Variants in CUL2 observed in about 807,000 individuals in gnomAD.
The protein encoded by CUL2 is cullin-2.
CUL2 carries 22 observed loss-of-function variants against 110.2 expected under a neutral mutation model. The ratio of observed to expected loss-of-function variants is 0.20; its 90% CI spans 0.14 to 0.28. CUL2 has a LOEUF of 0.28. Among genes scored for constraint, CUL2 ranks in the 10% least tolerant of loss-of-function variants. CUL2 has a pLI of 1.00. For synonymous variants in CUL2, 279 were observed against 293.2 expected (o/e 0.95, Z 0.49); for missense variants, 631 against 905.5 (o/e 0.70, Z 3.89).
chr10:35,071,389 G>A (rs758509610), intron 1 of CUL2, 50 bp from the exon 2 acceptor site: 4 of 1,505,230 alleles, frequency 2.7e-6, no homozygotes, highest in Non-Finnish European at 3.7e-6. Context: ...CATGAGCTTA[G>A]TTTTTTTGTT....
intron 17 of CUL2, 43 bp downstream of exon 17, chr10:35,025,089 C>T (rs961279828): frequency 1.4e-6 from 2 of 1,437,392 alleles, no homozygotes; most frequent in African/African-American, 2.9e-5. Context: ...ATATAATCAT[C>T]AGGTAAATTT....
At chr10:35,047,404 A>AT (rs1237722669) in intron 6 of CUL2, among the ~76,000 whole-genome samples, 1 of 151,280 alleles carries the variant, frequency 6.6e-6, no homozygotes, top group African/African-American at 2.4e-5. Context: ...AGGTCAGGAG[A>AT]TAGAGACCAT....
Position 35,071,195 on chromosome 10 carries a change from A to AT in CUL2, c.119+3dup, listed in dbSNP as rs1317561363. On this transcript the variant is annotated splice_donor_region_variant and intron_variant, in intron 2 of 20. Transcript: ENST00000374749. ...CATTGATCAAGCTGCCATTAAAAGG[A>AT]TACGAGAAACGGTCATTCCATGTTG... The AT allele has an allele frequency of 6.2e-7, 1 of 1,612,502 alleles. No homozygotes were observed.
chr10:35,077,180 A>G (rs2086840319), intron 1 of CUL2, among the ~76,000 whole-genome samples: 1 of 152,178 alleles, frequency 6.6e-6, no homozygotes, highest in Non-Finnish European at 1.5e-5. Flanking sequence ...GAAATGAAGT[A>G]CTGATACACA....
chr10:35,056,407 C>T (rs1378408803), intron 4 of CUL2, among the ~76,000 whole-genome samples: 1 of 152,164 alleles, frequency 6.6e-6, no homozygotes, highest in Non-Finnish European at 1.5e-5. Flanking sequence ...TTTTATGTGG[C>T]TGAATACTAT....
At chr10:35,034,745 T>A (rs1175385148) in intron 10 of CUL2, among the ~76,000 whole-genome samples, 1 of 152,188 alleles carries the variant, frequency 6.6e-6, no homozygotes, top group Non-Finnish European at 1.5e-5. Flanking sequence ...TACAGAAGAT[T>A]ATTTTAATCT....
At chr10:35,069,110 G>A (rs1401704348) in intron 2 of CUL2, among the ~76,000 whole-genome samples, 6 of 152,124 alleles carry the variant, frequency 3.9e-5, no homozygotes, top group African/African-American at 1.4e-4. Context: ...CTCATAATCC[G>A]CCTGCCTCAG....
chr10:35,089,741 C>A (rs993130148), intron 1 of CUL2, among the ~76,000 whole-genome samples: 3 of 152,192 alleles, frequency 2.0e-5, no homozygotes, highest in Admixed American at 2.0e-4. Flanking sequence ...ATACTCCTCC[C>A]CAAAGCTATC....
Position 35,067,834 on chromosome 10 carries a change from G to A in CUL2, c.119+3365C>T, listed in dbSNP as rs900095795. ...TTTAAGAACCACAAAAGGGCCGGAC[G>A]TGGTGGCTCATACCTGTAATCCCAG... On this transcript the variant is annotated intron_variant, in intron 2 of 20. Transcript: ENST00000374749. 2.8e-4 allele frequency among the ~76,000 whole-genome samples: 42 copies of A among 151,966 alleles called. 1 individual carries two copies. The highest frequency in any genetic ancestry group is 1.1e-3 in the Admixed American group (16 of 15,236).
chr10:35,087,039 A>G (rs1307199730), intron 1 of CUL2, among the ~76,000 whole-genome samples: 1 of 152,126 alleles, frequency 6.6e-6, no homozygotes, highest in Non-Finnish European at 1.5e-5. Flanking sequence ...TTTTCATTCT[A>G]TTCCCTACTG....
chr10:35,086,009 T>C (rs879745752), intron 1 of CUL2, among the ~76,000 whole-genome samples: 1 of 151,420 alleles, frequency 6.6e-6, no homozygotes, highest in Non-Finnish European at 1.5e-5. Context: ...AAAATGAAAG[T>C]TGAAAAAGAT....
intron 9 of CUL2, among the ~76,000 whole-genome samples, 182 bp downstream of exon 9, chr10:35,038,738 G>T (rs938113722): frequency 7.3e-5 from 11 of 151,486 alleles, no homozygotes; most frequent in African/African-American, 2.7e-4. Context: ...TCTGATTTTA[G>T]AACACTCTGA....
At chr10:35,079,256 C>A (rs922392353) in intron 1 of CUL2, among the ~76,000 whole-genome samples, 10 of 152,202 alleles carry the variant, frequency 6.6e-5, no homozygotes, top group Admixed American at 5.2e-4. Flanking sequence ...ACTCGCCCTT[C>A]TTGTGAAGGT....
At position 35,067,277 on chromosome 10, in the gene CUL2, C is replaced by G. The variant is rs144479573; in HGVS notation, c.119+3922G>C. Among the ~76,000 whole-genome samples, 248 of 152,172 alleles carry G rather than the reference C, an allele frequency of 1.6e-3. 1 individual carries two copies. Among genetic ancestry groups the G allele is most frequent in the Non-Finnish European group, 2.9e-3 (197 of 68,020 alleles). On this transcript the variant is annotated intron_variant, in intron 2 of 20. Coordinates refer to ENST00000374749, the MANE Select transcript of CUL2 (RefSeq NM_003591.4). The stretch of plus-strand genomic sequence containing the variant: ...AGTCTCCCCTAACAATCATTTTGGA[C>G]TTACTATAACCTTTAGATGCCACTT...
chr10:35,045,507 G>A (rs370057463), intron 6 of CUL2, among the ~76,000 whole-genome samples: 4 of 136,642 alleles, frequency 2.9e-5, no homozygotes, highest in Admixed American at 2.4e-4. Flanking sequence ...TGAGTCCTGA[G>A]TTTGAGACTA....
rs576861481 is a variant in CUL2 at position 35,104,812 on chromosome 10, C to T, written c.-50-3752G>A. 5.9e-5 allele frequency among the ~76,000 whole-genome samples: 9 copies of T among 152,096 alleles called. No individual in the cohort carries two copies. The South Asian group carries it at 1.9e-3, about 32-fold the overall frequency. On this transcript the variant is annotated intron_variant, in intron 1 of 5. Coordinates refer to the CUL2 transcript ENST00000685421. ...TGTCACAATCTCAGCTCACTACAAC[C>T]TCCGCCTCCTGGGTTCAAGCGATTC...
intron 17 of CUL2, among the ~76,000 whole-genome samples, chr10:35,016,926 CAAAAAAAAAAA>C (rs1427211253): frequency 3.3e-5 from 2 of 60,970 alleles, no homozygotes; most frequent in African/African-American, 1.2e-4. Context: ...GACTCTGTCT[CAAAAAAAAAAA>C]AAAAACAAAA....
chr10:35,046,164 T>A (rs754119589), intron 6 of CUL2, among the ~76,000 whole-genome samples: 24 of 152,370 alleles, frequency 1.6e-4, no homozygotes, highest in African/African-American at 5.5e-4. Flanking sequence ...CTGTCAGTCA[T>A]AGAGAATCTT....
At chr10:35,067,454 A>C (rs898598035) in intron 2 of CUL2, among the ~76,000 whole-genome samples, 9 of 152,160 alleles carry the variant, frequency 5.9e-5, no homozygotes, top group Non-Finnish European at 1.3e-4. Flanking sequence ...CCAAAAATCA[A>C]AGAATTCACC....
Sources: gnomAD v4.1 joint callset for allele counts (sites outside exome capture counted in the v4.1 genomes callset) on GRCh38, gnomAD v4.1.1 for gene constraint, MANE v1.5 for transcripts, NCBI Gene and HGNC (gene_info 2026-07-23, HGNC 2026-07-21) for gene names.